NSMCE2: variants seen among roughly 807,000 people sequenced by gnomAD.
NSMCE2 encodes E3 SUMO-protein ligase NSE2.
Under a neutral mutation model 23.8 loss-of-function variants are expected in NSMCE2, and 24 were observed. The ratio of observed to expected loss-of-function variants is 1.01; its 90% CI spans 0.73 to 1.42. NSMCE2 has a LOEUF of 1.42. Ranked by LOEUF, NSMCE2 falls within the 40% of genes most tolerant of loss-of-function variation. The pLI is 0.00. For missense variants in NSMCE2, 284 were observed against 296.5 expected (o/e 0.96, Z 0.31); for synonymous variants, 92 against 94.1 (o/e 0.98, Z 0.13).
At position 125,344,248 on chromosome 8, in the gene NSMCE2, A is replaced by G. The variant is rs921263787; in HGVS notation, c.419-12971A>G. Among the ~76,000 whole-genome samples, 7 of 152,264 alleles carry G rather than the reference A, an allele frequency of 4.6e-5. No individual in the cohort carries two copies. In the East Asian group the frequency reaches 1.3e-3, roughly 29 times the overall value. ...ATCCACCCTCATTGCCGTCAGTCCT[A>G]CTTACCTCATCAATATTATTTGGTC... On this transcript the variant is annotated intron_variant, in intron 5 of 7. Coordinates refer to ENST00000287437, the MANE Select transcript of NSMCE2 (RefSeq NM_173685.4).
chr8:125,344,243 G>T (rs1830353928), intron 5 of NSMCE2, among the ~76,000 whole-genome samples: 1 of 152,082 alleles, frequency 6.6e-6, no homozygotes, highest in East Asian at 1.9e-4. Flanking sequence ...ATTGCCGTCA[G>T]TCCTACTTAC....
In NSMCE2 at chr8:125,160,527, A is replaced by G. The variant is rs576170044; in HGVS notation, c.264+9250A>G. ...TTGTGACCAGAAAGGATTGTTCAGA[A>G]TCAGGGGAACTGGGCCAATGCAGAG... On this transcript the variant is annotated intron_variant, in intron 4 of 7. Coordinates refer to ENST00000287437, the MANE Select transcript of NSMCE2 (RefSeq NM_173685.4). Among the ~76,000 whole-genome samples the G allele has an allele frequency of 4.6e-5, 7 of 152,294 alleles. 1 individual carries two copies. In the South Asian group the frequency reaches 1.4e-3, roughly 32 times the overall value.
intron 5 of NSMCE2, among the ~76,000 whole-genome samples, chr8:125,272,945 G>C (rs554239084): frequency 1.2e-4 from 19 of 152,128 alleles, no homozygotes; most frequent in South Asian, 1.0e-3. Context: ...AGCTAGGCCA[G>C]GGTTGAAACC....
Position 125,182,268 on chromosome 8 carries a change from T to C in NSMCE2, c.418+12T>C, listed in dbSNP as rs752750958. 1.3e-6 allele frequency: 2 copies of C among 1,593,294 alleles called. No individual in the cohort carries two copies. The highest frequency in any genetic ancestry group is 4.5e-5 in the East Asian group (2 of 44,454). On this transcript the variant is annotated intron_variant, in intron 5 of 7. Coordinates refer to ENST00000287437, the MANE Select transcript of NSMCE2 (RefSeq NM_173685.4). The stretch of plus-strand genomic sequence containing the variant: ...ACTAAAGAAGCAATGTAAGTCAACA[T>C]GCTTTGCTTTGGTTCGGCTTTTTGA...
chr8:125,351,591 T>G (rs1308562882), intron 5 of NSMCE2, among the ~76,000 whole-genome samples: 1 of 152,210 alleles, frequency 6.6e-6, no homozygotes, highest in Non-Finnish European at 1.5e-5. Context: ...TATGACTAGT[T>G]TGCTTGTTTT....
intron 3 of NSMCE2, among the ~76,000 whole-genome samples, chr8:125,150,694 T>C (rs544218325): frequency 6.6e-6 from 1 of 152,258 alleles, no homozygotes; most frequent in East Asian, 1.9e-4. Context: ...TATCTTTGAT[T>C]GTTTTCATTA....
chr8:125,203,412 A>G (rs16900426), intron 5 of NSMCE2, among the ~76,000 whole-genome samples: 2,740 of 152,296 alleles, frequency 0.018, 73 homozygotes, highest in African/African-American at 0.063. Context: ...ACTGAGAAAT[A>G]AGCCACATGG....
At chr8:125,210,824 G>A (rs1824301618) in intron 5 of NSMCE2, among the ~76,000 whole-genome samples, 1 of 152,070 alleles carries the variant, frequency 6.6e-6, no homozygotes, top group Admixed American at 6.6e-5. Flanking sequence ...GGGTTCAAGC[G>A]ATTCTTATGC....
chr8:125,294,039 C>T lies in NSMCE2; in HGVS notation c.419-63180C>T, dbSNP rs186362560. 1.9e-4 allele frequency among the ~76,000 whole-genome samples: 29 copies of T among 152,282 alleles called. No individual in the cohort carries two copies. The East Asian group carries it at 2.7e-3, about 14-fold the overall frequency. On this transcript the variant is annotated intron_variant, in intron 5 of 7. Coordinates refer to ENST00000287437, the MANE Select transcript of NSMCE2 (RefSeq NM_173685.4). ...TTCTATCTCTATTTGCTGTTTGGGACGTTTCATATAAACATGCATATGTGG... is the reference window on the plus strand; with the variant it reads ...TTCTATCTCTATTTGCTGTTTGGGATGTTTCATATAAACATGCATATGTGG...
At chr8:125,097,180 A>G (rs1172697860) in intron 1 of NSMCE2, among the ~76,000 whole-genome samples, 2 of 152,100 alleles carry the variant, frequency 1.3e-5, no homozygotes, top group Non-Finnish European at 2.9e-5. Context: ...TTGATGTGGA[A>G]CTGTAAAGTC....
intron 5 of NSMCE2, among the ~76,000 whole-genome samples, chr8:125,238,283 C>T (rs1825636471): frequency 6.6e-6 from 1 of 152,174 alleles, no homozygotes; most frequent in South Asian, 2.1e-4. Flanking sequence ...ATCTGTCTCT[C>T]TTTCCTCACA....
intron 5 of NSMCE2, among the ~76,000 whole-genome samples, chr8:125,301,548 G>T (rs1053144120): frequency 3.9e-5 from 6 of 152,044 alleles, no homozygotes; most frequent in Admixed American, 1.3e-4. Flanking sequence ...GTTGTTAGGA[G>T]ACAGCGTCCC....
At chr8:125,357,136 AC>A in intron 5 of NSMCE2, 82 bp from the exon 6 acceptor site, 1 of 874,664 alleles carries the variant, frequency 1.1e-6, no homozygotes, top group Non-Finnish European at 1.9e-6. Context: ...TCCCCCAGAA[AC>A]TCTTCACCTC....
Position 125,169,650 on chromosome 8 carries a change from C to G in NSMCE2, c.265-12453C>G, listed in dbSNP as rs112711043. Among the ~76,000 whole-genome samples, 528 of 152,294 alleles carry G rather than the reference C, an allele frequency of 3.5e-3. 3 individuals are homozygous for G. The highest frequency in any genetic ancestry group is 0.012 in the African/African-American group (500 of 41,548). On this transcript the variant is annotated intron_variant, in intron 4 of 7. Transcript: ENST00000287437. ...GTTCACAGTCTTCAGTCCCCTTGGG[C>G]ACACTGGCTGCACACAGTTGCTGTC...
intron 5 of NSMCE2, among the ~76,000 whole-genome samples, chr8:125,198,417 A>G (rs914680161): frequency 6.6e-6 from 1 of 152,164 alleles, no homozygotes; most frequent in African/African-American, 2.4e-5. Flanking sequence ...AATTTTGTCA[A>G]AGGCCTTTTC....
At chr8:125,347,005 A>G (rs776338023) in intron 5 of NSMCE2, among the ~76,000 whole-genome samples, 7 of 152,204 alleles carry the variant, frequency 4.6e-5, no homozygotes, top group Non-Finnish European at 7.3e-5. Flanking sequence ...AGTGTGTCGA[A>G]AGAGCCATGG....
At chr8:125,188,485 T>C (rs1323325959) in intron 5 of NSMCE2, among the ~76,000 whole-genome samples, 1 of 152,198 alleles carries the variant, frequency 6.6e-6, no homozygotes, top group African/African-American at 2.4e-5. Flanking sequence ...TGAGTGGGTG[T>C]GGACCCACTG....
At position 125,271,260 on chromosome 8, in the gene NSMCE2, C is replaced by CAA. The variant is rs35443773; in HGVS notation, c.419-85945_419-85944dup. 4.4e-3 allele frequency among the ~76,000 whole-genome samples: 552 copies of CAA among 126,782 alleles called. 6 individuals carry two copies. The highest frequency in any genetic ancestry group is 0.015 in the African/African-American group (466 of 31,398). 83.2% of individuals were successfully genotyped at this position (126,782 alleles called of 152,430 possible). The stretch of plus-strand genomic sequence containing the variant: ...TGGGCGACCAAGTGAGACTCCATCT[C>CAA]AAAAAAAAAAAAAAAGTATTACTCT... On this transcript the variant is annotated intron_variant, in intron 5 of 7. Transcript: ENST00000287437.
chr8:125,112,833 G>C (rs997249751), intron 3 of NSMCE2, among the ~76,000 whole-genome samples: 1 of 152,238 alleles, frequency 6.6e-6, no homozygotes, highest in South Asian at 2.1e-4. Context: ...GTATAATATG[G>C]TGACTATAGT....
Sources: gnomAD v4.1 joint callset for allele counts (sites outside exome capture counted in the v4.1 genomes callset) on GRCh38, gnomAD v4.1.1 for gene constraint, MANE v1.5 for transcripts, NCBI Gene and HGNC (gene_info 2026-07-23, HGNC 2026-07-21) for gene names.